The following PTPRO variants were observed in gnomAD, a reference collection of about 807,000 sequenced individuals.
The protein encoded by PTPRO is receptor-type tyrosine-protein phosphatase O.
In PTPRO, 62 loss-of-function variants were observed where a neutral mutation model predicts 145.2. The ratio of observed to expected loss-of-function variants is 0.43; its 90% confidence interval spans 0.35 to 0.53. The LOEUF (loss-of-function observed/expected upper bound fraction) is 0.53. Among genes scored for constraint, PTPRO ranks in the 20% least tolerant of loss-of-function variants. The pLI is 0.01. For synonymous variants in PTPRO, 565 were observed against 514.7 expected (o/e 1.10, Z -1.32); for missense variants, 1,345 against 1,482.7 (o/e 0.91, Z 1.53).
At chr12:15,362,626 A>T (rs551894775) in intron 1 of PTPRO, among the ~76,000 whole-genome samples, 1 of 152,152 alleles carries the variant, frequency 6.6e-6, no homozygotes, top group Non-Finnish European at 1.5e-5. Flanking sequence ...GGTAGAGTTT[A>T]TGAAGTTATT....
rs74071117 is a variant in PTPRO at position 15,336,802 on chromosome 12, A to C, written c.75+14001A>C. Among the ~76,000 whole-genome samples, 1,010 of 152,280 alleles carry C rather than the reference A, an allele frequency of 6.6e-3. 9 individuals are homozygous for C. The highest frequency in any genetic ancestry group is 0.023 in the African/African-American group (946 of 41,544). On this transcript the variant is annotated intron_variant, in intron 1 of 26. Coordinates refer to ENST00000281171, the MANE Select transcript of PTPRO (RefSeq NM_030667.3). ...CGCCCAGCCTTGCTAATATCTTGCTAATCTTGGAGGAAAATTTCTTTTCCT... is the reference window on the plus strand; with the variant it reads ...CGCCCAGCCTTGCTAATATCTTGCTCATCTTGGAGGAAAATTTCTTTTCCT...
At chr12:15,364,958 G>A (rs888801033) in intron 1 of PTPRO, among the ~76,000 whole-genome samples, 1 of 152,134 alleles carries the variant, frequency 6.6e-6, no homozygotes, top group Non-Finnish European at 1.5e-5. Flanking sequence ...ATTTTTAATG[G>A]GTTGATTGCT....
chr12:15,377,322 A>G (rs1938718058), intron 1 of PTPRO, among the ~76,000 whole-genome samples: 2 of 152,092 alleles, frequency 1.3e-5, no homozygotes, highest in South Asian at 4.1e-4. Flanking sequence ...AGCTACTATA[A>G]TGGCAAATGT....
chr12:15,416,115 A>G (rs1304148880), intron 1 of PTPRO, among the ~76,000 whole-genome samples: 4 of 151,684 alleles, frequency 2.6e-5, no homozygotes, highest in Admixed American at 2.0e-4. Flanking sequence ...TTCTGCACCT[A>G]GGAGAGTGTC....
intron 1 of PTPRO, among the ~76,000 whole-genome samples, chr12:15,360,086 A>G (rs916372113): frequency 6.6e-6 from 1 of 152,206 alleles, no homozygotes; most frequent in Non-Finnish European, 1.5e-5. Flanking sequence ...TTATACCATC[A>G]AATGTGGGCC....
chr12:15,506,321 G>C (rs1302131275), intron 6 of PTPRO, among the ~76,000 whole-genome samples: 2 of 152,162 alleles, frequency 1.3e-5, no homozygotes, highest in African/African-American at 4.8e-5. Context: ...TGACTCAAGA[G>C]ACAGGAGGTC....
rs916466840 is a variant in PTPRO at position 15,397,271 on chromosome 12, G to A, written c.75+74470G>A. Among the ~76,000 whole-genome samples, 3 of 152,054 alleles carry A rather than the reference G, an allele frequency of 2.0e-5. No individual in the cohort carries two copies. The South Asian group carries it at 6.2e-4, about 32-fold the overall frequency. On this transcript the variant is annotated intron_variant, in intron 1 of 26. Coordinates refer to ENST00000281171, the MANE Select transcript of PTPRO (RefSeq NM_030667.3). Reference sequence around the variant, plus strand: ...TTATGCAAGCGAAGAACAGAAATAAGCTTTCATTAAGAAACAACTATGTGC... The same window carrying A: ...TTATGCAAGCGAAGAACAGAAATAAACTTTCATTAAGAAACAACTATGTGC...
chr12:15,392,649 A>T (rs1021714710), intron 1 of PTPRO, among the ~76,000 whole-genome samples: 2 of 136,882 alleles, frequency 1.5e-5, no homozygotes, highest in African/African-American at 5.5e-5. Context: ...TGAACCTCGG[A>T]GGCGGAGGTT....
rs573796071 is a variant in PTPRO, at chr12:15,325,067, G to A, written c.75+2266G>A. ...TAATAAAATCCAAAATGTTCCACGTGTGCCGAGTCAGAAATGAAACATTCT... is the reference window on the plus strand; with the variant it reads ...TAATAAAATCCAAAATGTTCCACGTATGCCGAGTCAGAAATGAAACATTCT... On this transcript the variant is annotated intron_variant, in intron 1 of 26. Coordinates refer to ENST00000281171, the MANE Select transcript of PTPRO (RefSeq NM_030667.3). Among the ~76,000 whole-genome samples, 5 of 152,266 alleles carry A rather than the reference G, an allele frequency of 3.3e-5. No individual in the cohort carries two copies. In the East Asian group the frequency reaches 9.6e-4, roughly 29 times the overall value.
intron 1 of PTPRO, among the ~76,000 whole-genome samples, chr12:15,420,815 C>T (rs1176091123): frequency 2.0e-5 from 3 of 152,114 alleles, no homozygotes; most frequent in African/African-American, 4.8e-5. Context: ...TTCTTACCTG[C>T]AAAATGGGTA....
intron 1 of PTPRO, among the ~76,000 whole-genome samples, chr12:15,455,005 G>A (rs116154054): frequency 0.015 from 2,234 of 152,282 alleles, 60 homozygotes; most frequent in African/African-American, 0.051. Flanking sequence ...ATCAGGAAGT[G>A]TGATGCCTCC....
intron 5 of PTPRO, among the ~76,000 whole-genome samples, chr12:15,502,892 A>G (rs1942249874): frequency 1.3e-5 from 2 of 152,138 alleles, no homozygotes; most frequent in Non-Finnish European, 2.9e-5. Context: ...TTGAAGTTAC[A>G]GTGATAGCCT....
chr12:15,347,166 C>G (rs1212647376), intron 1 of PTPRO, among the ~76,000 whole-genome samples: 1 of 152,130 alleles, frequency 6.6e-6, no homozygotes, highest in Non-Finnish European at 1.5e-5. Flanking sequence ...GTTTTTTCCT[C>G]CTCCTCAGAA....
intron 1 of PTPRO, among the ~76,000 whole-genome samples, chr12:15,455,786 G>T (rs766057919): frequency 6.6e-6 from 1 of 152,084 alleles, no homozygotes; most frequent in Non-Finnish European, 1.5e-5. Context: ...TATATATCAG[G>T]TAATGTCATC....
intron 1 of PTPRO, among the ~76,000 whole-genome samples, chr12:15,481,382 A>G (rs1244075472): frequency 6.6e-6 from 1 of 152,248 alleles, no homozygotes; most frequent in African/African-American, 2.4e-5. Context: ...ATTTCACCAC[A>G]TAGCTGAAAC....
intron 23 of PTPRO, among the ~76,000 whole-genome samples, chr12:15,585,809 C>T (rs937590108): frequency 1.3e-5 from 2 of 152,106 alleles, no homozygotes; most frequent in African/African-American, 4.8e-5. Context: ...TGGCTGATAA[C>T]AAGTGGAGAA....
chr12:15,444,189 T>A (rs1032731969), intron 1 of PTPRO, among the ~76,000 whole-genome samples: 3 of 152,156 alleles, frequency 2.0e-5, no homozygotes, highest in Non-Finnish European at 4.4e-5. Context: ...TTCTGCAACA[T>A]GGATGCAGCT....
Position 15,499,562 on chromosome 12 carries a change from G to C in PTPRO, c.629G>C (p.Gly210Ala). 6.2e-7 allele frequency: 1 copy of C among 1,613,830 alleles called. No homozygotes were observed. The highest frequency in any genetic ancestry group is 1.1e-5 in the South Asian group (1 of 91,068). Residue 210 changes from glycine (G) to alanine (A), a missense_variant, in exon 4 of 27, where the codon GGT becomes GCT. By Grantham distance (60) the Gly-to-Ala change is moderately conservative. This residue lies in a region of PTPRO where 1,130 missense variants were observed against 1,214.7 expected (regional missense o/e 0.93). Coordinates refer to ENST00000281171, the MANE Select transcript of PTPRO (RefSeq NM_030667.3). ...AAAAGTACCCTTGTTGAGTACAGTG[G>C]TGTCAGTCACGAACCCAAACAGCAC... ...FNKSTLVEYS[G>A]VSHEPKQHRT...
At chr12:15,508,837 G>A (rs1942376749) in intron 7 of PTPRO, 70 bp downstream of exon 7, 4 of 1,512,160 alleles carry the variant, frequency 2.6e-6, no homozygotes, top group Admixed American at 1.8e-5. Context: ...CAATGCCAAG[G>A]AGGCAATTGT....
Sources: allele counts gnomAD v4.1 joint callset (sites outside exome capture counted in the v4.1 genomes callset), GRCh38; gene constraint gnomAD v4.1.1; regional missense constraint gnomAD v4.1.1; transcripts MANE v1.5; gene names NCBI Gene and HGNC (gene_info 2026-07-23, HGNC 2026-07-21).